Variants in CSRNP2 observed in about 807,000 individuals in gnomAD.
CSRNP2 encodes the protein cysteine/serine-rich nuclear protein 2.
Under a neutral mutation model 36.6 loss-of-function variants are expected in CSRNP2, and 11 were observed. That is an observed-to-expected ratio of 0.30 (90% CI 0.19 to 0.50). The LOEUF is 0.50. Among genes scored for constraint, CSRNP2 ranks in the 20% least tolerant of loss-of-function variants. CSRNP2 has a pLI of 0.98. For missense variants in CSRNP2, 483 were observed against 691.4 expected, an observed-to-expected ratio of 0.70 and a Z score of 3.38; for synonymous variants, 248 against 275.3, an observed-to-expected ratio of 0.90 and a Z score of 0.98.
Position 51,072,741 on chromosome 12 carries a change from G to A in CSRNP2, c.411+1082C>T, listed in dbSNP as rs529897494. Among the ~76,000 whole-genome samples the A allele has an allele frequency of 3.3e-5, 5 of 152,166 alleles. No individual in the cohort carries two copies. The East Asian group carries it at 7.7e-4, about 24-fold the overall frequency. On this transcript the variant is annotated intron_variant, in intron 3 of 4. Transcript: ENST00000228515. ...CTGTTTGTATCTACAAGATTATCAC[G>A]TAAGGGTGATGGGGATTATAGAAAC...
intron 1 of CSRNP2, chr12:51,081,450 G>A (rs747229914): frequency 2.6e-5 from 4 of 152,156 alleles, no homozygotes; most frequent in African/African-American, 7.2e-5. Flanking sequence ...TTCATTGGTA[G>A]AGGATCAATG....
rs527525944 is a variant in CSRNP2 at position 51,062,982 on chromosome 12, G to C, written c.*764C>G. ...GTGTCAGACACGTACAGAAGGCTCA[G>C]GCTCGTTATACCATATCCCCAGCCA... On this transcript the variant is annotated 3_prime_UTR_variant, in exon 5 of 5. Coordinates refer to ENST00000228515, the MANE Select transcript of CSRNP2 (RefSeq NM_030809.3). The C allele has an allele frequency of 6.6e-6, 1 of 152,340 alleles. No individual in the cohort carries two copies. Among genetic ancestry groups the C allele is most frequent in the Admixed American group, 6.5e-5 (1 of 15,278 alleles). 9.4% of individuals were successfully genotyped at this position (152,340 alleles called of 1,614,324 possible).
chr12:51,077,679 C>T (rs1395701837), intron 1 of CSRNP2, among the ~76,000 whole-genome samples: 1 of 152,102 alleles, frequency 6.6e-6, no homozygotes, highest in Admixed American at 6.6e-5. Context: ...GCTTCAAAAC[C>T]CAGAATCTTT....
chr12:51,076,824 C>A (rs1939422791), intron 1 of CSRNP2, 177 bp from the exon 2 acceptor site: 1 of 427,890 alleles, frequency 2.3e-6, no homozygotes, highest in Non-Finnish European at 4.3e-6. Flanking sequence ...TCCCTTCAGC[C>A]CCTCTATTCT....
chr12:51,070,782 A>G (rs1360673772), intron 3 of CSRNP2, among the ~76,000 whole-genome samples: 2 of 152,230 alleles, frequency 1.3e-5, no homozygotes, highest in Admixed American at 6.5e-5. Context: ...CAAACATTAG[A>G]TGGTACATGA....
At position 51,067,665 on chromosome 12, in the gene CSRNP2, G is replaced by T. The variant is rs750324984; in HGVS notation, c.708+8C>A. 1.2e-6 allele frequency: 2 copies of T among 1,611,480 alleles called. No homozygotes were observed. The highest frequency in any genetic ancestry group is 1.1e-5 in the South Asian group (1 of 90,914). ...TAGATATACTATCTCAGGCCAACTT[G>T]GACTGACCTGGCATTTAATCCCAGC... On this transcript the variant is annotated splice_region_variant and intron_variant, in intron 4 of 4. Coordinates refer to ENST00000228515, the MANE Select transcript of CSRNP2 (RefSeq NM_030809.3). The surrounding 1 kb of genome is among the most constrained non-coding windows in gnomAD (Gnocchi z 4.1).
rs1825871253 is a variant in CSRNP2 at position 51,062,323 on chromosome 12, A to G, written c.*1423T>C. 1.3e-5 allele frequency: 2 copies of G among 152,216 alleles called. No homozygotes were observed. The highest frequency in any genetic ancestry group is 6.5e-5 in the Admixed American group (1 of 15,282). 9.4% of individuals were successfully genotyped at this position (152,216 alleles called of 1,614,324 possible). A position where few individuals can be genotyped will look rare whatever the true frequency, so the allele number is the denominator to read the frequency against. ...TAATAAACCATACCAGAAGTAAAGT[A>G]TGGTGTAAAGGATGCTTGAGAAGAA... is the stretch of plus-strand genomic sequence containing the variant. On this transcript the variant is annotated 3_prime_UTR_variant, in exon 5 of 5. Transcript: ENST00000228515.
chr12:51,081,105 T>C (rs1939623313), intron 1 of CSRNP2, among the ~76,000 whole-genome samples: 1 of 152,034 alleles, frequency 6.6e-6, no homozygotes, highest in South Asian at 2.1e-4. Context: ...CTGGCCAACA[T>C]GGCAAAACCC....
At position 51,067,074 on chromosome 12, in the gene CSRNP2, G is replaced by C. The variant is rs1371847313; in HGVS notation, c.708+599C>G. Among the ~76,000 whole-genome samples the C allele has an allele frequency of 6.6e-6, 1 of 152,086 alleles. No individual in the cohort carries two copies. The highest frequency in any genetic ancestry group is 1.5e-5 in the Non-Finnish European group (1 of 68,006). On this transcript the variant is annotated intron_variant, in intron 4 of 4. Coordinates refer to ENST00000228515, the MANE Select transcript of CSRNP2 (RefSeq NM_030809.3). This position sits in a 1 kb window ranked among gnomAD's most constrained non-coding sequence, Gnocchi z 4.1. Reference sequence around the variant, plus strand: ...CGAACTCCTGGGAAGCAATCTGCCTGCCTGCCTCGGCCTCCCAAAGTGCTG... The same window carrying C: ...CGAACTCCTGGGAAGCAATCTGCCTCCCTGCCTCGGCCTCCCAAAGTGCTG...
At chr12:51,069,068 T>C (rs893120791) in intron 3 of CSRNP2, among the ~76,000 whole-genome samples, 2 of 152,154 alleles carry the variant, frequency 1.3e-5, no homozygotes, top group Non-Finnish European at 2.9e-5. Context: ...CTCCACCTCC[T>C]GGGTTCACGC....
chr12:51,080,072 CAAAAAAA>C lies in CSRNP2; in HGVS notation c.-87+3260_-87+3266del, dbSNP rs1173559322. On this transcript the variant is annotated intron_variant, in intron 1 of 4. Transcript: ENST00000228515. ...TGGGCGGCAGAGTAAGACTCTGTCT[CAAAAAAA>C]AAAAAAAAAAAAAAAAAAAAGAGGG... 9.6e-4 allele frequency among the ~76,000 whole-genome samples: 53 copies of C among 54,988 alleles called. 5 individuals carry two copies. Among genetic ancestry groups the C allele is most frequent in the African/African-American group, 3.0e-3 (42 of 13,948 alleles). 36.1% of individuals were successfully genotyped at this position (54,988 alleles called of 152,430 possible).
At chr12:51,071,860 G>A (rs1939173826) in intron 3 of CSRNP2, among the ~76,000 whole-genome samples, 1 of 152,190 alleles carries the variant, frequency 6.6e-6, no homozygotes, top group South Asian at 2.1e-4. Flanking sequence ...TTGCCCAGCT[G>A]TTGCTACGGC....
rs773434648 is a variant in CSRNP2 at position 51,064,605 on chromosome 12, A to G, written c.773T>C (p.Ile258Thr). 1.9e-6 allele frequency: 3 copies of G among 1,584,906 alleles called. No homozygotes were observed. The highest frequency in any genetic ancestry group is 1.8e-5 in the Admixed American group (1 of 55,576). Reference sequence around the variant, plus strand: ...CCGGACCCGGATTGGATTAAATTCAATGCGTCCTGCCATGTTCCCACAGCC... The same window carrying G: ...CCGGACCCGGATTGGATTAAATTCAGTGCGTCCTGCCATGTTCCCACAGCC... ...RDGCGNMAGRIEFNPIRVRTH... is the reference protein window; with the variant it reads ...RDGCGNMAGRTEFNPIRVRTH... The change falls in exon 5 of 5, where the codon ATT becomes ACT. Residue 258 changes from isoleucine (I) to threonine (T), a missense_variant. By Grantham distance (89) the Ile-to-Thr change is moderately conservative (BLOSUM62 -1). Around this residue, in one of 2 missense-constraint regions of CSRNP2, gnomAD observed 206 missense variants for 367.8 expected, o/e 0.56. Coordinates refer to ENST00000228515, the MANE Select transcript of CSRNP2 (RefSeq NM_030809.3).
At chr12:51,068,417 G>A (rs1938632222) in intron 3 of CSRNP2, among the ~76,000 whole-genome samples, 2 of 152,190 alleles carry the variant, frequency 1.3e-5, no homozygotes, top group African/African-American at 4.8e-5. Context: ...CTCCCAAAGT[G>A]CTGGGGTCCA....
intron 3 of CSRNP2, among the ~76,000 whole-genome samples, chr12:51,070,431 G>C (rs1374642490): frequency 6.6e-6 from 1 of 152,090 alleles, no homozygotes; most frequent in African/African-American, 2.4e-5. Flanking sequence ...ACATCTCCAG[G>C]GTTGACCTCC....
intron 3 of CSRNP2, among the ~76,000 whole-genome samples, chr12:51,071,305 G>A (rs2136899753): frequency 6.6e-6 from 1 of 151,808 alleles, no homozygotes; most frequent in East Asian, 1.9e-4. Flanking sequence ...GCATGGTGGT[G>A]GGTGCAGCTG....
intron 1 of CSRNP2, among the ~76,000 whole-genome samples, chr12:51,079,492 G>A (rs1939529247): frequency 1.3e-5 from 2 of 151,842 alleles, no homozygotes; most frequent in Non-Finnish European, 2.9e-5. Flanking sequence ...GCTGGGCACA[G>A]TGGCTCATGT....
chr12:51,062,081 G>A lies in CSRNP2; in HGVS notation c.*1665C>T, dbSNP rs531515556. ...GCAAAAACTGGAACAAATAGGAAAG[G>A]CAGAATGAACTAAAAAATGTTATGT... On this transcript the variant is annotated 3_prime_UTR_variant, in exon 5 of 5. Coordinates refer to ENST00000228515, the MANE Select transcript of CSRNP2 (RefSeq NM_030809.3). 2 of 152,156 alleles carry A rather than the reference G, an allele frequency of 1.3e-5. No homozygotes were observed. Among genetic ancestry groups the A allele is most frequent in the African/African-American group, 4.8e-5 (2 of 41,422 alleles). The allele number at this position is 152,156 out of a possible 1,614,324, so 9.4% of individuals were successfully genotyped here.
At chr12:51,079,594 T>G (rs530801817) in intron 1 of CSRNP2, among the ~76,000 whole-genome samples, 2 of 112,730 alleles carry the variant, frequency 1.8e-5, no homozygotes, top group Non-Finnish European at 3.8e-5. Context: ...AAACCCCATC[T>G]CCACTAAAAA....
Sources: allele counts gnomAD v4.1 joint callset (sites outside exome capture counted in the v4.1 genomes callset), GRCh38; gene constraint gnomAD v4.1.1; regional missense constraint gnomAD v4.1.1; non-coding constraint Gnocchi (gnomAD v3.1); transcripts MANE v1.5; gene names NCBI Gene and HGNC (gene_info 2026-07-23, HGNC 2026-07-21).